TRPM6: variants seen among roughly 807,000 people sequenced by gnomAD.
TRPM6 encodes the protein transient receptor potential cation channel subfamily M member 6.
TRPM6 carries 111 observed loss-of-function variants against 247.6 expected under a neutral mutation model. The ratio of observed to expected loss-of-function variants is 0.45; its 90% CI spans 0.38 to 0.52. The LOEUF is 0.52. Among genes scored for constraint, TRPM6 ranks in the 20% least tolerant of loss-of-function variants. The probability of loss-of-function intolerance (pLI) is 0.00; values close to 1 mark genes in which losing one functional copy is unlikely to be tolerated. For synonymous variants in TRPM6, 892 were observed against 853.8 expected (o/e 1.04, Z -0.78); for missense variants, 2,126 against 2,421.5 (o/e 0.88, Z 2.56).
chr9:74,725,528 C>T lies in TRPM6; in HGVS notation c.5936-782G>A, dbSNP rs1235416127. On this transcript the variant is annotated intron_variant, in intron 38 of 38. Coordinates refer to ENST00000360774, the MANE Select transcript of TRPM6 (RefSeq NM_017662.5). ...TGAATTGTAACTCCCACAATTCCCA[C>T]GTGTCATGGGGGGAATCCAGTGGGA... is the stretch of plus-strand genomic sequence containing the variant. Among the ~76,000 whole-genome samples, 13 of 152,238 alleles carry T rather than the reference C, an allele frequency of 8.5e-5. No homozygotes were observed. In the East Asian group the frequency reaches 2.1e-3, roughly 25 times the overall value.
At chr9:74,724,924 A>G (rs1825265546) in intron 38 of TRPM6, among the ~76,000 whole-genome samples, 178 bp from the exon 39 acceptor site, 3 of 152,146 alleles carry the variant, frequency 2.0e-5, no homozygotes, top group Admixed American at 6.5e-5. Flanking sequence ...TCCCACCCCA[A>G]TACCCCCCTT....
chr9:74,749,023 TTA>T (rs1019556564), intron 30 of TRPM6, among the ~76,000 whole-genome samples: 19 of 152,246 alleles, frequency 1.2e-4, no homozygotes, highest in Admixed American at 9.2e-4. Flanking sequence ...TTTTTTGTGT[TTA>T]GTTACACAAA....
chr9:74,797,524 A>G (rs953108993), intron 17 of TRPM6, among the ~76,000 whole-genome samples: 10 of 152,206 alleles, frequency 6.6e-5, no homozygotes, highest in Non-Finnish European at 1.2e-4. Context: ...TTTCATTTGT[A>G]TAACTTTTAT....
intron 36 of TRPM6, 35 bp downstream of exon 36, chr9:74,738,372 A>T: frequency 3.1e-6 from 5 of 1,610,852 alleles, no homozygotes; most frequent in Non-Finnish European, 4.2e-6. Flanking sequence ...ACTTTGCCTC[A>T]TGCTTGTTGT....
intron 11 of TRPM6, 54 bp downstream of exon 11, chr9:74,816,615 C>G: frequency 6.8e-7 from 1 of 1,466,242 alleles, no homozygotes; most frequent in East Asian, 2.3e-5. Context: ...TTGCCCCTTC[C>G]TAACAGACCA....
chr9:74,829,021 G>A (rs924920441), intron 6 of TRPM6, among the ~76,000 whole-genome samples: 1 of 152,116 alleles, frequency 6.6e-6, no homozygotes, highest in African/African-American at 2.4e-5. Context: ...AGCTGGCCAG[G>A]AGCGGTTATG....
intron 16 of TRPM6, among the ~76,000 whole-genome samples, chr9:74,801,106 A>G (rs1356189119): frequency 6.6e-6 from 1 of 151,674 alleles, no homozygotes; most frequent in Non-Finnish European, 1.5e-5. Flanking sequence ...ATGCTCTGGA[A>G]TTTGTCTTTT....
At chr9:74,822,986 T>C (rs895888543) in intron 7 of TRPM6, among the ~76,000 whole-genome samples, 3 of 152,126 alleles carry the variant, frequency 2.0e-5, no homozygotes, top group African/African-American at 2.4e-5. Flanking sequence ...TTTAGGAAAA[T>C]GTTGAAAAGG....
intron 5 of TRPM6, among the ~76,000 whole-genome samples, chr9:74,837,922 G>A (rs886326249): frequency 2.6e-5 from 4 of 151,940 alleles, no homozygotes; most frequent in Admixed American, 2.0e-4. Flanking sequence ...GCTAATTTCT[G>A]CAATTTTTTA....
rs191026509 is a variant in TRPM6, at chr9:74,880,881, A to G, written c.33+6943T>C. 1.4e-4 allele frequency among the ~76,000 whole-genome samples: 22 copies of G among 152,352 alleles called. No homozygotes were observed. In the East Asian group the frequency reaches 4.2e-3, roughly 29 times the overall value. On this transcript the variant is annotated intron_variant, in intron 1 of 38. Coordinates refer to ENST00000360774, the MANE Select transcript of TRPM6 (RefSeq NM_017662.5). ...AAAAGAACCAAGGATATACAAAACA[A>G]CGAGACATCAATTAATAAAATGGCA...
chr9:74,849,951 T>G (rs1479793106), intron 3 of TRPM6, among the ~76,000 whole-genome samples: 1 of 152,244 alleles, frequency 6.6e-6, no homozygotes, highest in Non-Finnish European at 1.5e-5. Flanking sequence ...GACCCTGCTC[T>G]GAAAGAGGTG....
At chr9:74,824,908 T>G (rs571703959) in intron 7 of TRPM6, among the ~76,000 whole-genome samples, 1 of 152,178 alleles carries the variant, frequency 6.6e-6, no homozygotes, top group African/African-American at 2.4e-5. Flanking sequence ...AAGTATTCTC[T>G]GCCAACAACA....
intron 1 of TRPM6, among the ~76,000 whole-genome samples, chr9:74,885,163 C>T (rs1362763020): frequency 6.6e-6 from 1 of 152,132 alleles, no homozygotes; most frequent in Non-Finnish European, 1.5e-5. Context: ...AGGAAGAAAG[C>T]TTTTAATAGC....
chr9:74,745,468 T>C (rs1023171542), intron 31 of TRPM6, among the ~76,000 whole-genome samples: 201 of 141,436 alleles, frequency 1.4e-3, no homozygotes, highest in African/African-American at 6.3e-3. Flanking sequence ...TGTGCGTGTG[T>C]GTGTGTGTGT....
At chr9:74,837,853 A>G (rs1201799658) in intron 5 of TRPM6, among the ~76,000 whole-genome samples, 1 of 149,602 alleles carries the variant, frequency 6.7e-6, no homozygotes, top group African/African-American at 2.5e-5. Flanking sequence ...AGGCTCAAGT[A>G]AACCTCCCAC....
Position 74,810,841 on chromosome 9 carries a change from G to T in TRPM6, c.1471C>A (p.His491Asn), listed in dbSNP as rs778834110. The T allele has an allele frequency of 4.3e-6, 7 of 1,613,640 alleles. No homozygotes were observed. The highest frequency in any genetic ancestry group is 2.2e-5 in the East Asian group (1 of 44,852). The change falls in exon 13 of 39, where the codon CAT becomes AAT. Residue 491 changes from histidine (H) to asparagine (N), a missense_variant. Around this residue, in one of 3 missense-constraint regions of TRPM6, gnomAD observed 1,082 missense variants for 1,307.9 expected, o/e 0.83. Transcript: ENST00000360774. ...TGTTTCACATCTTGGACGAGATGAT[G>T]CAAGAGTGTATTAGTAGGTCCTTGT... ...TKQGPTNTLLHHLVQDVKQHT... is the reference protein window; with the variant it reads ...TKQGPTNTLLNHLVQDVKQHT...
Position 74,763,027 on chromosome 9 carries a change from G to A in TRPM6, c.3644C>T (p.Ser1215Phe), listed in dbSNP as rs1396275176. 3.1e-6 allele frequency: 5 copies of A among 1,614,002 alleles called. No homozygotes were observed. In the African/African-American group the frequency reaches 5.3e-5, roughly 17 times the overall value. The part of the protein sequence containing the change: ...DSQVGHLQDL[S>F]ALTVDTLKVL... ...TTTCAGGGTATCCACAGTCAGGGCA[G>A]AGAGATCCTGCAGGTGTCCCACCTG... The change falls in exon 26 of 39, where the codon TCT (serine) becomes TTT (phenylalanine). Residue 1215 changes from serine (S) to phenylalanine (F), a missense_variant. Ser to Phe is a radical substitution (Grantham distance 155). Coordinates refer to ENST00000360774, the MANE Select transcript of TRPM6 (RefSeq NM_017662.5).
At chr9:74,846,872 G>T (rs184787726) in intron 3 of TRPM6, among the ~76,000 whole-genome samples, 1 of 152,242 alleles carries the variant, frequency 6.6e-6, no homozygotes, top group East Asian at 1.9e-4. Context: ...TTTCTAAAAA[G>T]CACACTTTTA....
chr9:74,877,647 C>T (rs768210753), intron 1 of TRPM6, among the ~76,000 whole-genome samples: 2 of 152,184 alleles, frequency 1.3e-5, no homozygotes, highest in Non-Finnish European at 2.9e-5. Context: ...CAGGGCCAAA[C>T]CATGAGCCAT....
Sources: gnomAD v4.1 joint callset for allele counts (sites outside exome capture counted in the v4.1 genomes callset) on GRCh38, gnomAD v4.1.1 for gene constraint, gnomAD v4.1.1 regional missense constraint, MANE v1.5 for transcripts, NCBI Gene and HGNC (gene_info 2026-07-23, HGNC 2026-07-21) for gene names.